The following RPS6KA2 variants were observed in gnomAD, a reference collection of about 807,000 sequenced individuals.
RPS6KA2 encodes the protein ribosomal protein S6 kinase A2, also known as ribosomal protein S6 kinase alpha-2.
In RPS6KA2, 42 loss-of-function variants were observed where a neutral mutation model predicts 91.8. The observed-to-expected ratio is 0.46, with a 90% CI of 0.36 to 0.59. The LOEUF (loss-of-function observed/expected upper bound fraction) is 0.59. Among genes scored for constraint, RPS6KA2 ranks in the 20% least tolerant of loss-of-function variants. RPS6KA2 has a pLI of 0.00. For missense variants in RPS6KA2, 798 were observed against 978.5 expected (o/e 0.82, Z 2.46); for synonymous variants, 414 against 393.6 (o/e 1.05, Z -0.61).
chr6:166,665,762 TG>T lies in RPS6KA2; in HGVS notation c.124-126979del, dbSNP rs1788298461. On this transcript the variant is annotated intron_variant, in intron 2 of 21. Coordinates refer to the RPS6KA2 transcript ENST00000503859. The surrounding 1 kb of genome is among the most constrained non-coding windows in gnomAD (Gnocchi z 4.5). ...GCAGAGCTTGTTCTGAACCTCGTTT[TG>T]GGGAGAAACTTGGTTGTTCATGTCA... Among the ~76,000 whole-genome samples, 2 of 152,154 alleles carry T rather than the reference TG, an allele frequency of 1.3e-5. No individual in the cohort carries two copies. The highest frequency in any genetic ancestry group is 4.1e-4 in the South Asian group (2 of 4,820).
rs1417795603 is a variant in RPS6KA2, at chr6:166,681,887, C to T, written c.124-143103G>A. ...TGCCTTGTCCACCAGCAGCTCCTGC[C>T]GAGATCCCTTGATCGGCTCCTTCTG... is the stretch of plus-strand genomic sequence containing the variant. On this transcript the variant is annotated intron_variant, in intron 2 of 21. Transcript: ENST00000503859. Among the ~76,000 whole-genome samples, 9 of 152,204 alleles carry T rather than the reference C, an allele frequency of 5.9e-5. No homozygotes were observed. In the East Asian group the frequency reaches 1.5e-3, roughly 26 times the overall value.
chr6:166,614,689 G>A (rs1020011066), intron 1 of RPS6KA2, among the ~76,000 whole-genome samples: 4 of 152,178 alleles, frequency 2.6e-5, no homozygotes, highest in Non-Finnish European at 5.9e-5. Context: ...GTGTTGGCAA[G>A]GCCGGTCCCT....
chr6:166,771,428 G>A (rs1778470214), intron 2 of RPS6KA2, among the ~76,000 whole-genome samples: 1 of 152,192 alleles, frequency 6.6e-6, no homozygotes, highest in African/African-American at 2.4e-5. Flanking sequence ...AAGCGCGTGT[G>A]TCTAGGAGGC....
intron 2 of RPS6KA2, 75 bp from the exon 3 acceptor site, chr6:166,531,388 G>T (rs1783270164): frequency 1.8e-6 from 2 of 1,092,612 alleles, no homozygotes; most frequent in Non-Finnish European, 2.8e-6. Context: ...TTGACAAGGG[G>T]ATACACAAGG....
intron 5 of RPS6KA2, among the ~76,000 whole-genome samples, chr6:166,506,929 A>G (rs1165495291): frequency 6.6e-6 from 1 of 152,156 alleles, no homozygotes; most frequent in East Asian, 1.9e-4. Context: ...GCCTTTTGCC[A>G]TCCCATGAAG....
At chr6:166,699,228 G>A (rs987372950) in intron 2 of RPS6KA2, among the ~76,000 whole-genome samples, 6 of 152,174 alleles carry the variant, frequency 3.9e-5, no homozygotes, top group African/African-American at 1.2e-4. Context: ...GGATGACCTG[G>A]CACTCAGGTC....
chr6:166,836,266 T>A (rs565738076), intron 2 of RPS6KA2, among the ~76,000 whole-genome samples: 1 of 152,286 alleles, frequency 6.6e-6, no homozygotes, highest in Admixed American at 6.5e-5. Flanking sequence ...TTTGGCTTCA[T>A]AAAATACTTC....
intron 2 of RPS6KA2, among the ~76,000 whole-genome samples, chr6:166,637,885 G>C (rs1398610775): frequency 6.6e-6 from 1 of 152,376 alleles, no homozygotes; most frequent in Non-Finnish European, 1.5e-5. Flanking sequence ...TGGGGATCCA[G>C]CAGGGCGCTG....
chr6:166,569,670 AGGTCACCTTG>A (rs1412403459), intron 1 of RPS6KA2, among the ~76,000 whole-genome samples: 9 of 152,178 alleles, frequency 5.9e-5, no homozygotes, highest in Non-Finnish European at 1.0e-4. Flanking sequence ...ACCACAGACA[AGGTCACCTTG>A]GGAGCTGTGG....
intron 2 of RPS6KA2, among the ~76,000 whole-genome samples, chr6:166,845,822 T>C (rs1028496662): frequency 1.3e-5 from 2 of 149,698 alleles, no homozygotes; most frequent in Non-Finnish European, 3.0e-5. Flanking sequence ...ACAAGAACAA[T>C]CAAAACCCAA....
At chr6:166,420,835 G>A (rs900762299) in intron 17 of RPS6KA2, among the ~76,000 whole-genome samples, 1 of 152,182 alleles carries the variant, frequency 6.6e-6, no homozygotes, top group African/African-American at 2.4e-5. Flanking sequence ...TGCATCCTAG[G>A]ATTACATACT....
chr6:166,497,103 C>T (rs1004473018), intron 8 of RPS6KA2, among the ~76,000 whole-genome samples: 7 of 152,240 alleles, frequency 4.6e-5, no homozygotes, highest in Admixed American at 2.6e-4. Context: ...AAACCTCTTT[C>T]AGTGGAAGGA....
chr6:166,441,344 T>C (rs182190305), intron 14 of RPS6KA2, among the ~76,000 whole-genome samples: 1 of 152,354 alleles, frequency 6.6e-6, no homozygotes, highest in East Asian at 1.9e-4. Flanking sequence ...AGCTCAACTC[T>C]CAACTGCTGT....
At chr6:166,588,782 A>C (rs938578600) in intron 1 of RPS6KA2, among the ~76,000 whole-genome samples, 2 of 152,214 alleles carry the variant, frequency 1.3e-5, no homozygotes, top group Non-Finnish European at 2.9e-5. Flanking sequence ...AAGAGAGTCC[A>C]GCTGGGCAGT....
intron 11 of RPS6KA2, among the ~76,000 whole-genome samples, chr6:166,464,517 G>A (rs1780448136): frequency 6.6e-6 from 1 of 152,228 alleles, no homozygotes; most frequent in South Asian, 2.1e-4. Context: ...TGGTGACTGT[G>A]TGTCTCCAGC....
chr6:166,752,106 A>G (rs1319889862), intron 2 of RPS6KA2, among the ~76,000 whole-genome samples: 1 of 152,254 alleles, frequency 6.6e-6, no homozygotes, highest in East Asian at 1.9e-4. Flanking sequence ...CATTTGTTAG[A>G]AATTAGATAA....
intron 2 of RPS6KA2, among the ~76,000 whole-genome samples, chr6:166,647,746 A>G (rs959070219): frequency 2.0e-5 from 3 of 152,054 alleles, no homozygotes; most frequent in Non-Finnish European, 4.4e-5. Flanking sequence ...ACACACATAC[A>G]TGCACACACA....
Position 166,626,886 on chromosome 6 carries a change from C to A in RPS6KA2, c.99+35G>T, listed in dbSNP as rs538698285. On this transcript the variant is annotated intron_variant, in intron 1 of 20. Coordinates refer to ENST00000265678, the MANE Select transcript of RPS6KA2 (RefSeq NM_021135.6). This position sits in a 1 kb window ranked among gnomAD's most constrained non-coding sequence, Gnocchi z 4.1. ...CGGGCGACCACGGCCCGCTCAGTGC[C>A]CGGCACCTGCGCGCCCCGAGGGCGG... The A allele has an allele frequency of 8.3e-6, 12 of 1,447,786 alleles. No individual in the cohort carries two copies. Among genetic ancestry groups the A allele is most frequent in the Non-Finnish European group, 1.1e-5 (12 of 1,091,776 alleles). The allele number at this position is 1,447,786 out of a possible 1,614,324, so 89.7% of individuals were successfully genotyped here.
At chr6:166,417,944 C>T (rs572395822) in intron 19 of RPS6KA2, among the ~76,000 whole-genome samples, 13 of 151,854 alleles carry the variant, frequency 8.6e-5, no homozygotes, top group East Asian at 3.9e-4. Context: ...AAGAGTTAGT[C>T]GGGTGTGGTC....
Sources: allele counts gnomAD v4.1 joint callset (sites outside exome capture counted in the v4.1 genomes callset), GRCh38; gene constraint gnomAD v4.1.1; non-coding constraint Gnocchi (gnomAD v3.1); transcripts MANE v1.5; gene names NCBI Gene and HGNC (gene_info 2026-07-23, HGNC 2026-07-21).